GRK5: variants seen among roughly 807,000 people sequenced by gnomAD.
GRK5 encodes the protein g protein-coupled receptor kinase GRK5.
In GRK5, 40 loss-of-function variants were observed where a neutral mutation model predicts 78.4. The observed-to-expected ratio is 0.51, with a 90% CI of 0.40 to 0.66. The LOEUF (loss-of-function observed/expected upper bound fraction) is 0.66, where lower values mean the gene tolerates loss of function less well. Among genes scored for constraint, GRK5 ranks in the 30% least tolerant of loss-of-function variants. The pLI is 0.00. For missense variants in GRK5, 598 were observed against 759.9 expected, an observed-to-expected ratio of 0.79 and a Z score of 2.50; for synonymous variants, 289 against 296.8, an observed-to-expected ratio of 0.97 and a Z score of 0.27.
intron 4 of GRK5, among the ~76,000 whole-genome samples, chr10:119,413,554 T>C (rs1852385411): frequency 6.6e-6 from 1 of 152,088 alleles, no homozygotes; most frequent in Non-Finnish European, 1.5e-5. Context: ...TCAGGTCTGC[T>C]ACTTGCTAAG....
intron 13 of GRK5, among the ~76,000 whole-genome samples, chr10:119,451,916 C>G (rs1483999672): frequency 6.6e-6 from 1 of 152,154 alleles, no homozygotes; most frequent in Non-Finnish European, 1.5e-5. Flanking sequence ...GATGTGTCAC[C>G]AGGTCTGGGG....
chr10:119,268,211 T>A (rs1849532206), intron 1 of GRK5, among the ~76,000 whole-genome samples: 1 of 152,224 alleles, frequency 6.6e-6, no homozygotes, highest in African/African-American at 2.4e-5. Flanking sequence ...GATGGGAAAA[T>A]GGAATGAACA....
At position 119,445,369 on chromosome 10, in the gene GRK5, T is replaced by G. The variant is rs1312305586; in HGVS notation, c.1266+1617T>G. ...AATCAGAGAAGCAGGTCTTGAGAGA[T>G]CTCAGCAGGGATATGGGACGTACTA... is the stretch of plus-strand genomic sequence containing the variant. On this transcript the variant is annotated intron_variant, in intron 12 of 15. Coordinates refer to ENST00000392870, the MANE Select transcript of GRK5 (RefSeq NM_005308.3). The surrounding 1 kb of genome is among the most constrained non-coding windows in gnomAD (Gnocchi z 4.1). Among the ~76,000 whole-genome samples the G allele has an allele frequency of 6.6e-6, 1 of 151,910 alleles. No homozygotes were observed. Among genetic ancestry groups the G allele is most frequent in the Non-Finnish European group, 1.5e-5 (1 of 67,986 alleles).
intron 2 of GRK5, among the ~76,000 whole-genome samples, chr10:119,334,304 C>CT (rs1372848023): frequency 6.6e-6 from 1 of 152,042 alleles, no homozygotes; most frequent in African/African-American, 2.4e-5. Flanking sequence ...GCGAGACCCT[C>CT]TAAAAAAAAG....
rs73437341 is a variant in GRK5 at position 119,443,740 on chromosome 10, C to T, written c.1254C>T (p.Ser418=). Reference sequence around the variant, plus strand: ...ACAAGTTCTCCGAGGAGGCCAAGTCCATCTGCAAGATGGTGAGCTCCTGGT... The same window carrying T: ...ACAAGTTCTCCGAGGAGGCCAAGTCTATCTGCAAGATGGTGAGCTCCTGGT... ...YSHKFSEEAK[S]ICKMLLTKDA... is the part of the protein sequence containing the mutation. The change falls in exon 12 of 16, where the codon TCC becomes TCT. Residue 418 remains serine (S), a synonymous_variant. Transcript: ENST00000392870. 17 of 1,600,326 alleles carry T rather than the reference C, an allele frequency of 1.1e-5. No homozygotes were observed. In the African/African-American group the frequency reaches 1.5e-4, roughly 14 times the overall value.
chr10:119,310,325 G>A (rs1850337373), intron 1 of GRK5, among the ~76,000 whole-genome samples: 1 of 152,198 alleles, frequency 6.6e-6, no homozygotes, highest in African/African-American at 2.4e-5. Flanking sequence ...ACTGCCAGGA[G>A]CATTTCTCAG....
At chr10:119,391,745 C>T (rs1307440592) in intron 3 of GRK5, among the ~76,000 whole-genome samples, 2 of 152,160 alleles carry the variant, frequency 1.3e-5, no homozygotes, top group African/African-American at 2.4e-5. Context: ...TCAGCACACA[C>T]GAGAAGCTGG....
At chr10:119,416,229 T>A (rs976147477) in intron 4 of GRK5, among the ~76,000 whole-genome samples, 3 of 152,244 alleles carry the variant, frequency 2.0e-5, no homozygotes, top group Non-Finnish European at 4.4e-5. Context: ...TTCGCACTGA[T>A]GCAGGAAATG....
intron 1 of GRK5, among the ~76,000 whole-genome samples, chr10:119,269,499 C>T (rs746743725): frequency 6.6e-6 from 1 of 152,002 alleles, no homozygotes. Flanking sequence ...GCTTTGCGTG[C>T]TCTCATCCTG....
chr10:119,309,359 C>T (rs1850324604), intron 1 of GRK5, among the ~76,000 whole-genome samples: 1 of 152,206 alleles, frequency 6.6e-6, no homozygotes, highest in Admixed American at 6.5e-5. Flanking sequence ...TGGAAGAACT[C>T]TGGGGGAGGC....
chr10:119,381,962 G>A (rs1279060135), intron 3 of GRK5, among the ~76,000 whole-genome samples: 1 of 152,162 alleles, frequency 6.6e-6, no homozygotes, highest in Non-Finnish European at 1.5e-5. Context: ...AAGTCACAAA[G>A]GCCCCCTTAA....
rs533042881 is a variant in GRK5, at chr10:119,325,060, C to G, written c.53-1456C>G. Among the ~76,000 whole-genome samples the G allele has an allele frequency of 2.0e-5, 3 of 152,360 alleles. No homozygotes were observed. The East Asian group carries it at 5.8e-4, about 29-fold the overall frequency. On this transcript the variant is annotated intron_variant, in intron 1 of 15. Coordinates refer to ENST00000392870, the MANE Select transcript of GRK5 (RefSeq NM_005308.3). Reference sequence around the variant, plus strand: ...AGAGACTCCTCCCCATCAGCACTCTCTCCTGCTTCCTGGAGCAGGAGCAGA... The same window carrying G: ...AGAGACTCCTCCCCATCAGCACTCTGTCCTGCTTCCTGGAGCAGGAGCAGA...
At chr10:119,335,387 G>A (rs1010923041) in intron 2 of GRK5, among the ~76,000 whole-genome samples, 4 of 151,694 alleles carry the variant, frequency 2.6e-5, no homozygotes, top group African/African-American at 9.7e-5. Flanking sequence ...TTTTTGAGAT[G>A]GAGTCTCACT....
intron 2 of GRK5, among the ~76,000 whole-genome samples, chr10:119,368,539 GC>G (rs1851489634): frequency 1.3e-5 from 2 of 152,206 alleles, no homozygotes; most frequent in Admixed American, 1.3e-4. Context: ...AGGCATTTAA[GC>G]CCCCCTTGTT....
chr10:119,315,857 G>A (rs569666318), intron 1 of GRK5, among the ~76,000 whole-genome samples: 9 of 152,226 alleles, frequency 5.9e-5, no homozygotes, highest in African/African-American at 1.4e-4. Context: ...CAGCTTCTCC[G>A]GTTTTCAGGG....
chr10:119,249,965 G>T (rs1252358165), intron 1 of GRK5, among the ~76,000 whole-genome samples: 1 of 152,222 alleles, frequency 6.6e-6, no homozygotes, highest in Non-Finnish European at 1.5e-5. Flanking sequence ...GCCCCACTAA[G>T]TCATGCTCCC....
rs931875268 is a variant in GRK5 at position 119,253,209 on chromosome 10, G to A, written c.52+45240G>A. Among the ~76,000 whole-genome samples the A allele has an allele frequency of 1.3e-5, 2 of 152,210 alleles. No individual in the cohort carries two copies. The highest frequency in any genetic ancestry group is 4.8e-5 in the African/African-American group (2 of 41,452). On this transcript the variant is annotated intron_variant, in intron 1 of 15. Transcript: ENST00000392870. The surrounding 1 kb of genome is among the most constrained non-coding windows in gnomAD (Gnocchi z 5.7). ...AGTGCCCCCTTGAGCTCACATCTGA[G>A]GGTCTGTTGAGATTACAGAGGCCCT...
At chr10:119,247,151 C>T (rs533143181) in intron 1 of GRK5, among the ~76,000 whole-genome samples, 1 of 152,342 alleles carries the variant, frequency 6.6e-6, no homozygotes, top group South Asian at 2.1e-4. Context: ...CTCTCTTACC[C>T]AGGCCAGCGG....
At chr10:119,291,570 T>TTCCTCCTCCTCCTCG (rs751370931) in intron 1 of GRK5, among the ~76,000 whole-genome samples, 1 of 86,038 alleles carries the variant, frequency 1.2e-5, no homozygotes, top group African/African-American at 4.8e-5. Flanking sequence ...CCTCCTCCTC[T>TTCCTCCTCCTCCTCG]TCCTCCTCCT....
Sources: allele counts gnomAD v4.1 joint callset (sites outside exome capture counted in the v4.1 genomes callset), GRCh38; gene constraint gnomAD v4.1.1; non-coding constraint Gnocchi (gnomAD v3.1); transcripts MANE v1.5; gene names NCBI Gene and HGNC (gene_info 2026-07-23, HGNC 2026-07-21).